The following OR1J2 variants were observed in gnomAD, a reference collection of about 807,000 sequenced individuals.
OR1J2 encodes olfactory receptor 1J2.
For missense variants in OR1J2, 304 were observed against 246.1 expected (o/e 1.24, Z -1.57); for synonymous variants, 142 against 99.7 (o/e 1.42, Z -2.52).
chr9:122,465,898 C>G, the OR1J2 span, among the ~76,000 whole-genome samples: 1 of 152,308 alleles, frequency 6.6e-6, no homozygotes, highest in East Asian at 1.9e-4. Context: ...AAACCTGTCC[C>G]TTGAAAGTTA....
the OR1J2 span, among the ~76,000 whole-genome samples, chr9:122,550,613 G>A: frequency 6.6e-6 from 1 of 151,524 alleles, no homozygotes; most frequent in Non-Finnish European, 1.5e-5. Flanking sequence ...ATCAATAAAT[G>A]TGATTCACCA....
At chr9:122,527,134 G>A in the OR1J2 span, 1 of 1,614,244 alleles carries the variant, frequency 6.2e-7, no homozygotes, top group Non-Finnish European at 8.5e-7. Context: ...ATGGGGGTGT[G>A]GAGGTGCAGG....
At chr9:122,473,162 A>G in the OR1J2 span, among the ~76,000 whole-genome samples, 7 of 152,200 alleles carry the variant, frequency 4.6e-5, no homozygotes, top group African/African-American at 1.7e-4. Context: ...GTCATAAAAA[A>G]TCCTGACCTG....
the OR1J2 span, among the ~76,000 whole-genome samples, chr9:122,564,366 T>C: frequency 1.3e-5 from 2 of 152,170 alleles, no homozygotes; most frequent in Admixed American, 1.3e-4. Context: ...ACTTAGCACC[T>C]GGTAGAATCC....
the OR1J2 span, among the ~76,000 whole-genome samples, chr9:122,503,004 A>G: frequency 1.0e-3 from 153 of 152,372 alleles, no homozygotes; most frequent in African/African-American, 3.6e-3. Flanking sequence ...CCAACCCTCC[A>G]GGAGATCATC....
downstream of OR1J2, among the ~76,000 whole-genome samples, chr9:122,514,325 T>G (rs561654677): frequency 6.6e-6 from 1 of 152,316 alleles, no homozygotes; most frequent in African/African-American, 2.4e-5. Flanking sequence ...CCCATCTTTA[T>G]GTCCACGTGT....
At chr9:122,509,996 G>A (rs955155234), upstream of OR1J2, among the ~76,000 whole-genome samples, 80 of 152,122 alleles carry the variant, frequency 5.3e-4, no homozygotes, top group African/African-American at 1.8e-3. Flanking sequence ...GGGCCTGTCG[G>A]GGGGTGCGGG....
chr9:122,564,217 G>T, the OR1J2 span, among the ~76,000 whole-genome samples: 1 of 152,146 alleles, frequency 6.6e-6, no homozygotes, highest in Non-Finnish European at 1.5e-5. Context: ...TGAAATTTTA[G>T]CTCAGATCCA....
the OR1J2 span, among the ~76,000 whole-genome samples, chr9:122,500,340 C>T: frequency 6.6e-6 from 1 of 152,070 alleles, no homozygotes; most frequent in African/African-American, 2.4e-5. Flanking sequence ...AGGCTCTCTG[C>T]CTCTCTCACG....
chr9:122,578,931 C>T, the OR1J2 span, among the ~76,000 whole-genome samples: 1 of 151,386 alleles, frequency 6.6e-6, no homozygotes, highest in South Asian at 2.1e-4. Context: ...CACCTGTTCC[C>T]CAAAAACCTA....
chr9:122,512,235 G>A (rs113194678), downstream of OR1J2, among the ~76,000 whole-genome samples: 197 of 152,284 alleles, frequency 1.3e-3, no homozygotes, highest in African/African-American at 4.4e-3. Context: ...TTTTCCTAAA[G>A]GTGCCACTCC....
At chr9:122,527,136 A>G in the OR1J2 span, 1 of 1,614,220 alleles carries the variant, frequency 6.2e-7, no homozygotes, top group South Asian at 1.1e-5. Flanking sequence ...GGGGGTGTGG[A>G]GGTGCAGGTC....
chr9:122,527,581 T>TA, the OR1J2 span, among the ~76,000 whole-genome samples: 1 of 152,170 alleles, frequency 6.6e-6, no homozygotes, highest in Non-Finnish European at 1.5e-5. Context: ...AGCCTCATGT[T>TA]AGTTTCATTT....
At chr9:122,542,160 G>C in the OR1J2 span, among the ~76,000 whole-genome samples, 1 of 152,266 alleles carries the variant, frequency 6.6e-6, no homozygotes, top group East Asian at 1.9e-4. Flanking sequence ...GCATATACCA[G>C]AAGTTTGTTC....
At chr9:122,557,454 C>T in the OR1J2 span, among the ~76,000 whole-genome samples, 1 of 151,946 alleles carries the variant, frequency 6.6e-6, no homozygotes, top group South Asian at 2.1e-4. Flanking sequence ...TTTTCTGCAT[C>T]TATTTATATT....
chr9:122,468,813 A>G, the OR1J2 span, among the ~76,000 whole-genome samples: 96,153 of 152,050 alleles, frequency 0.63, 30,794 homozygotes, highest in Middle Eastern at 0.73. Flanking sequence ...CTAGCGGACT[A>G]ACCTCCTATG....
chr9:122,463,817 C>G, the OR1J2 span, among the ~76,000 whole-genome samples: 1 of 152,142 alleles, frequency 6.6e-6, no homozygotes, highest in African/African-American at 2.4e-5. Context: ...AGCACCTGCT[C>G]CAATGGAGGT....
the OR1J2 span, among the ~76,000 whole-genome samples, chr9:122,486,442 A>G: frequency 1.3e-5 from 2 of 152,214 alleles, no homozygotes; most frequent in African/African-American, 2.4e-5. Context: ...TTCAAATAGG[A>G]CAATATTTGC....
chr9:122,506,675 G>A (rs1253118425), upstream of OR1J2, among the ~76,000 whole-genome samples: 1 of 152,060 alleles, frequency 6.6e-6, no homozygotes, highest in Non-Finnish European at 1.5e-5. Flanking sequence ...TATAGACGAG[G>A]AAGAAACAGA....
Sources: gnomAD v4.1 joint callset for allele counts (sites outside exome capture counted in the v4.1 genomes callset) on GRCh38, gnomAD v4.1.1 for gene constraint, MANE v1.5 for transcripts, NCBI Gene and HGNC (gene_info 2026-07-23, HGNC 2026-07-21) for gene names.